CTNND2: variants seen among roughly 807,000 people sequenced by gnomAD.
CTNND2 encodes catenin delta-2.
In CTNND2, 22 loss-of-function variants were observed where a neutral mutation model predicts 144.4. That is an observed-to-expected ratio of 0.15 (90% CI 0.11 to 0.22). The LOEUF (loss-of-function observed/expected upper bound fraction) is 0.22, where lower values mean the gene tolerates loss of function less well. CTNND2 is among the 10% of genes least tolerant of loss of function. The pLI, the probability that CTNND2 is intolerant of heterozygous loss-of-function variation, is 1.00. For synonymous variants in CTNND2, 751 were observed against 695.6 expected, an observed-to-expected ratio of 1.08 and a Z score of -1.25; for missense variants, 1,353 against 1,618.8, an observed-to-expected ratio of 0.84 and a Z score of 2.82.
intron 9 of CTNND2, among the ~76,000 whole-genome samples, chr5:11,323,413 G>A (rs1182507075): frequency 1.3e-5 from 2 of 152,110 alleles, no homozygotes; most frequent in Non-Finnish European, 2.9e-5. Context: ...AAGTCAATGA[G>A]TCACATGATC....
intron 1 of CTNND2, among the ~76,000 whole-genome samples, chr5:11,863,996 G>A (rs1795622953): frequency 6.6e-6 from 1 of 152,114 alleles, no homozygotes; most frequent in African/African-American, 2.4e-5. Context: ...TAGCAGTTCG[G>A]GCCTGCTCTG....
intron 9 of CTNND2, 34 bp from the exon 10 acceptor site, chr5:11,236,857 G>C: frequency 6.2e-7 from 1 of 1,612,806 alleles, no homozygotes; most frequent in Non-Finnish European, 8.5e-7. Flanking sequence ...GAGAATATGA[G>C]AGAGAAATCC....
intron 3 of CTNND2, among the ~76,000 whole-genome samples, chr5:11,424,445 G>C (rs1411625785): frequency 1.3e-5 from 2 of 151,162 alleles, no homozygotes; most frequent in East Asian, 3.9e-4. Flanking sequence ...AAAACTGCAT[G>C]GAACTAAACA....
At chr5:11,135,517 G>A (rs552248567) in intron 12 of CTNND2, among the ~76,000 whole-genome samples, 9 of 152,172 alleles carry the variant, frequency 5.9e-5, no homozygotes, top group Admixed American at 2.0e-4. Context: ...AATGTACATC[G>A]GTAGATTCAG....
At chr5:11,606,417 T>A (rs2126356768) in intron 2 of CTNND2, among the ~76,000 whole-genome samples, 1 of 152,200 alleles carries the variant, frequency 6.6e-6, no homozygotes, top group South Asian at 2.1e-4. Context: ...CAGTGGAAAG[T>A]ATCAGAAGGC....
intron 14 of CTNND2, among the ~76,000 whole-genome samples, chr5:11,099,736 G>C (rs1449652652): frequency 6.6e-6 from 1 of 151,872 alleles, no homozygotes; most frequent in African/African-American, 2.4e-5. Context: ...TTACACAAAG[G>C]CTTTGTCTTT....
chr5:10,988,046 A>C lies in CTNND2; in HGVS notation c.3343+65T>G. ...CCAGCCCCGTGAAGCCTGATGTCCC[A>C]TATCTCTGCCTTGTCGCGGGTCAAG... On this transcript the variant is annotated intron_variant, in intron 20 of 21. Coordinates refer to ENST00000304623, the MANE Select transcript of CTNND2 (RefSeq NM_001332.4). This position sits in a 1 kb window ranked among gnomAD's most constrained non-coding sequence, Gnocchi z 5.9. 6.2e-7 allele frequency: 1 copy of C among 1,604,604 alleles called. No individual in the cohort carries two copies. Among genetic ancestry groups the C allele is most frequent in the Non-Finnish European group, 8.5e-7 (1 of 1,175,100 alleles).
rs765750238 is a variant in CTNND2, at chr5:11,384,882, G to A, written c.960C>T (p.Val320=). 6.2e-7 allele frequency: 1 copy of A among 1,611,670 alleles called. No homozygotes were observed. The highest frequency in any genetic ancestry group is 1.3e-5 in the African/African-American group (1 of 74,976). ...SYSTSSPINI[V]VSSAGLSPIR... ...TCGGGGACAGGCCGGCCGAGGACAC[G>A]ACGATGTTGATGGGCGAGCTGGTGC... is the stretch of plus-strand genomic sequence containing the variant. Residue 320 remains valine (V), a synonymous_variant, in exon 7 of 22, where the codon GTC becomes GTT. Transcript: ENST00000304623. This position sits in a 1 kb window ranked among gnomAD's most constrained non-coding sequence, Gnocchi z 5.2.
chr5:11,802,542 G>C (rs1337961641), intron 1 of CTNND2, among the ~76,000 whole-genome samples: 2 of 151,524 alleles, frequency 1.3e-5, no homozygotes, highest in Non-Finnish European at 2.9e-5. Context: ...ACTCCAGTCT[G>C]GGCAACAAGA....
chr5:11,740,222 A>G (rs1787925327), intron 1 of CTNND2, among the ~76,000 whole-genome samples: 1 of 152,204 alleles, frequency 6.6e-6, no homozygotes, highest in African/African-American at 2.4e-5. Flanking sequence ...AAAAGAGCCC[A>G]CACAGTCAAG....
chr5:11,540,443 G>A (rs547994646), intron 3 of CTNND2, among the ~76,000 whole-genome samples: 52 of 152,280 alleles, frequency 3.4e-4, no homozygotes, highest in African/African-American at 1.1e-3. Flanking sequence ...AATCCCGCTG[G>A]GAATTGCTAA....
At chr5:10,996,298 C>T (rs1739338503) in intron 18 of CTNND2, among the ~76,000 whole-genome samples, 1 of 152,074 alleles carries the variant, frequency 6.6e-6, no homozygotes, top group South Asian at 2.1e-4. Flanking sequence ...GTATATTGAT[C>T]AGGGTACTGG....
intron 18 of CTNND2, among the ~76,000 whole-genome samples, chr5:11,008,266 A>C (rs1322342340): frequency 6.6e-6 from 1 of 152,224 alleles, no homozygotes. Context: ...GGAACTTTGC[A>C]GATGTGATGA....
At chr5:11,058,847 T>C (rs901930330) in intron 16 of CTNND2, among the ~76,000 whole-genome samples, 1 of 152,212 alleles carries the variant, frequency 6.6e-6, no homozygotes, top group African/African-American at 2.4e-5. Context: ...ACCTGGATGT[T>C]AGACATGGAA....
chr5:11,525,096 G>A (rs1773115400), intron 3 of CTNND2, among the ~76,000 whole-genome samples: 1 of 152,160 alleles, frequency 6.6e-6, no homozygotes, highest in Admixed American at 6.5e-5. Flanking sequence ...TTTCCCCAGT[G>A]GCAGCCAGCA....
chr5:11,735,198 G>A (rs573872840), intron 1 of CTNND2, among the ~76,000 whole-genome samples: 16 of 152,314 alleles, frequency 1.1e-4, no homozygotes, highest in East Asian at 7.7e-4. Context: ...AGAGATTTGC[G>A]TAATTATGGT....
In CTNND2 at chr5:11,529,909, A is replaced by G. The variant is rs553755470; in HGVS notation, c.287+35035T>C. Among the ~76,000 whole-genome samples, 234 of 152,162 alleles carry G rather than the reference A, an allele frequency of 1.5e-3. 13 individuals are homozygous for G. The South Asian group carries it at 0.048, about 31-fold the overall frequency. On this transcript the variant is annotated intron_variant, in intron 3 of 21. Coordinates refer to ENST00000304623, the MANE Select transcript of CTNND2 (RefSeq NM_001332.4). ...AAAATCCTTTTGTACTGATAACCCC[A>G]TAATTCCTATATTATTTAGAAAAAG...
chr5:11,183,561 G>GT (rs397940050), intron 11 of CTNND2, among the ~76,000 whole-genome samples: 3,509 of 142,146 alleles, frequency 0.025, 93 homozygotes, highest in African/African-American at 0.061. Context: ...TTTTTTTTTG[G>GT]TTTTTTTTTT....
In CTNND2 at chr5:11,785,767, G is replaced by A. The variant is rs78157258; in HGVS notation, c.38-53495C>T. ...ATCTTCCCCAACTTTATCAAAGAGG[G>A]TAATTTCCTCCCCCACTTTTCTCCT... On this transcript the variant is annotated intron_variant, in intron 1 of 21. Transcript: ENST00000304623. Among the ~76,000 whole-genome samples, 12 of 152,346 alleles carry A rather than the reference G, an allele frequency of 7.9e-5. No individual in the cohort carries two copies. The South Asian group carries it at 1.4e-3, about 18-fold the overall frequency.
Sources: gnomAD v4.1 joint callset for allele counts (sites outside exome capture counted in the v4.1 genomes callset) on GRCh38, gnomAD v4.1.1 for gene constraint, Gnocchi (gnomAD v3.1) non-coding constraint, MANE v1.5 for transcripts, NCBI Gene and HGNC (gene_info 2026-07-23, HGNC 2026-07-21) for gene names.